The following VPS13A variants were observed in gnomAD, a reference collection of about 807,000 sequenced individuals.
VPS13A encodes vacuolar protein sorting 13 homolog A.
In VPS13A, 264 loss-of-function variants were observed where a neutral mutation model predicts 390.9. The ratio of observed to expected loss-of-function variants is 0.68; its 90% confidence interval spans 0.61 to 0.75. VPS13A has a LOEUF of 0.75. Among genes scored for constraint, VPS13A ranks in the 30% least tolerant of loss-of-function variants. The pLI, the probability that VPS13A is intolerant of heterozygous loss-of-function variation, is 0.00. For missense variants in VPS13A, 3,409 were observed against 3,733.9 expected (o/e 0.91, Z 2.27); for synonymous variants, 1,231 against 1,227.1 (o/e 1.00, Z -0.07).
intron 54 of VPS13A, among the ~76,000 whole-genome samples, chr9:77,354,210 T>A (rs1183352704): frequency 6.6e-6 from 1 of 152,122 alleles, no homozygotes; most frequent in Non-Finnish European, 1.5e-5. Flanking sequence ...ATAACCAGGA[T>A]AATGTAATTT....
At chr9:77,201,473 A>G (rs1825326503) in intron 3 of VPS13A, 66 bp downstream of exon 3, 12 of 1,249,268 alleles carry the variant, frequency 9.6e-6, no homozygotes, top group African/African-American at 1.5e-5. Flanking sequence ...TTTGCCTAAT[A>G]TATCTATTAT....
At chr9:77,386,898 G>A (rs773536576) in intron 68 of VPS13A, among the ~76,000 whole-genome samples, 6 of 151,756 alleles carry the variant, frequency 4.0e-5, no homozygotes, top group Admixed American at 1.3e-4. Context: ...TAGTAGAGAT[G>A]GGGTTTCACC....
At position 77,343,289 on chromosome 9, in the gene VPS13A, C is replaced by T. The variant is rs142309165; in HGVS notation, c.7027-864C>T. Among the ~76,000 whole-genome samples, 58 of 152,296 alleles carry T rather than the reference C, an allele frequency of 3.8e-4. 1 individual carries two copies. Among genetic ancestry groups the T allele is most frequent in the African/African-American group, 1.3e-3 (55 of 41,578 alleles). ...AGTCAGGTTATATTCCTAAGCATGT[C>T]TCATATCTAGTTCCATTAATTCCAT... On this transcript the variant is annotated intron_variant, in intron 50 of 71. Transcript: ENST00000360280.
At chr9:77,321,948 C>G (rs1829774344) in intron 44 of VPS13A, among the ~76,000 whole-genome samples, 1 of 151,622 alleles carries the variant, frequency 6.6e-6, no homozygotes, top group Non-Finnish European at 1.5e-5. Flanking sequence ...CTTTGTATTC[C>G]AAACTCTTTC....
chr9:77,353,417 G>A lies in VPS13A; in HGVS notation c.7428G>A (p.Met2476Ile). ...TGGTGGTTTTATTCTAGGATATGAT[G>A]ATGCCTATAGATTTGGGGGAAAAGA... Reference protein sequence around the residue: ...HGEVTQKDDMMMPIDLGEKTI... With the variant: ...HGEVTQKDDMIMPIDLGEKTI... Residue 2476 changes from methionine to isoleucine, a missense_variant, in exon 54 of 72, where the codon ATG (methionine) becomes ATA (isoleucine). Met to Ile is a conservative substitution (Grantham distance 10). Around this residue, in one of 5 missense-constraint regions of VPS13A, gnomAD observed 2,717 missense variants for 2,917.4 expected, o/e 0.93. Transcript: ENST00000360280. The A allele has an allele frequency of 7.4e-7, 1 of 1,351,700 alleles. No individual in the cohort carries two copies. The highest frequency in any genetic ancestry group is 1.2e-5 in the South Asian group (1 of 84,196). The allele number at this position is 1,351,700 out of a possible 1,614,324, so 83.7% of individuals were successfully genotyped here.
At chr9:77,343,874 TAA>T (rs1267461810) in intron 50 of VPS13A, among the ~76,000 whole-genome samples, 1 of 152,208 alleles carries the variant, frequency 6.6e-6, no homozygotes, top group Non-Finnish European at 1.5e-5. Context: ...CCCTTCTCTG[TAA>T]GATCATGACC....
At chr9:77,372,537 G>A (rs1477771945) in intron 67 of VPS13A, among the ~76,000 whole-genome samples, 2 of 152,006 alleles carry the variant, frequency 1.3e-5, no homozygotes, top group Admixed American at 1.3e-4. Flanking sequence ...CATACTAAAT[G>A]GGCAAAAACT....
chr9:77,284,826 C>T (rs545639448), intron 31 of VPS13A, among the ~76,000 whole-genome samples: 6 of 152,068 alleles, frequency 3.9e-5, no homozygotes, highest in Admixed American at 2.6e-4. Flanking sequence ...GCCTCAGCCT[C>T]GTGAGTGGCT....
rs752782186 is a variant in VPS13A, at chr9:77,316,385, G to A, written c.4842G>A (p.Lys1614=). 3 of 1,612,822 alleles carry A rather than the reference G, an allele frequency of 1.9e-6. No homozygotes were observed. The highest frequency in any genetic ancestry group is 2.5e-6 in the Non-Finnish European group (3 of 1,179,096). ...QVRACPFLPV[K]RKGKITTVLQ... ...GAGCCTGCCCGTTTCTTCCAGTCAA[G>A]AGAAAAGGCAAAATCACTACTGTGA... Residue 1614 remains lysine, a synonymous_variant, in exon 39 of 72, where the codon AAG becomes AAA. Coordinates refer to ENST00000360280, the MANE Select transcript of VPS13A (RefSeq NM_033305.3).
chr9:77,185,061 C>T (rs970581109), intron 1 of VPS13A, among the ~76,000 whole-genome samples: 15 of 152,174 alleles, frequency 9.9e-5, no homozygotes, highest in African/African-American at 3.6e-4. Flanking sequence ...AAGCACAGAT[C>T]ACAGCCTGCG....
intron 54 of VPS13A, 64 bp from the exon 55 acceptor site, chr9:77,356,650 A>G: frequency 1.3e-6 from 2 of 1,507,398 alleles, no homozygotes; most frequent in Non-Finnish European, 1.8e-6. Context: ...CATGTAATAA[A>G]CCAGTTAAAA....
intron 68 of VPS13A, among the ~76,000 whole-genome samples, chr9:77,401,219 C>T (rs1407386233): frequency 6.6e-6 from 1 of 152,006 alleles, no homozygotes; most frequent in Non-Finnish European, 1.5e-5. Context: ...TCATAATTTA[C>T]TGGATATTAC....
Position 77,273,265 on chromosome 9 carries a change from T to C in VPS13A, c.2428-15T>C. 6.3e-7 allele frequency: 1 copy of C among 1,592,764 alleles called. No individual in the cohort carries two copies. On this transcript the variant is annotated splice_polypyrimidine_tract_variant and intron_variant, in intron 23 of 71. Transcript: ENST00000360280. ...CATTTTTGTGCTAATCAACATTGAATTACTTTTCTTTCAGATTCAAACATC... is the reference window on the plus strand; with the variant it reads ...CATTTTTGTGCTAATCAACATTGAACTACTTTTCTTTCAGATTCAAACATC...
intron 19 of VPS13A, among the ~76,000 whole-genome samples, chr9:77,240,697 C>T (rs1333316717): frequency 1.3e-5 from 2 of 151,758 alleles, no homozygotes; most frequent in African/African-American, 2.4e-5. Flanking sequence ...AGGCTGGTCT[C>T]GAACTTCTGT....
chr9:77,353,709 A>G lies in VPS13A; in HGVS notation c.7652+68A>G. On this transcript the variant is annotated intron_variant, in intron 54 of 71. Transcript: ENST00000360280. ...CTAATTGTTAAGAAATTGTTATTGT[A>G]AAATCTCAAATGATTTAGTTTCAGT... 3.6e-6 allele frequency: 5 copies of G among 1,394,426 alleles called. No individual in the cohort carries two copies. The South Asian group carries it at 6.1e-5, about 17-fold the overall frequency. 86.4% of individuals were successfully genotyped at this position (1,394,426 alleles called of 1,614,324 possible). A position where few individuals can be genotyped will look rare whatever the true frequency, so the allele number is the denominator to read the frequency against.
rs555645027 is a variant in VPS13A, at chr9:77,193,557, C to T, written c.101-6388C>T. Among the ~76,000 whole-genome samples, 405 of 152,214 alleles carry T rather than the reference C, an allele frequency of 2.7e-3. 3 individuals are homozygous for T. Among genetic ancestry groups the T allele is most frequent in the Non-Finnish European group, 4.4e-3 (300 of 68,010 alleles). On this transcript the variant is annotated intron_variant, in intron 1 of 71. Transcript: ENST00000360280. ...GCTGAGGCAGGAGAATCACTTGAAC[C>T]CGGAAGGTGGAGGTTGCAGTGAGCC...
chr9:77,294,612 A>G (rs913322949), intron 32 of VPS13A, among the ~76,000 whole-genome samples: 2 of 152,182 alleles, frequency 1.3e-5, no homozygotes, highest in Non-Finnish European at 2.9e-5. Context: ...AGTTAATTCC[A>G]TATAATGTTG....
intron 23 of VPS13A, among the ~76,000 whole-genome samples, chr9:77,267,760 C>T (rs1453244602): frequency 6.6e-6 from 1 of 152,204 alleles, no homozygotes; most frequent in Non-Finnish European, 1.5e-5. Flanking sequence ...GCTGAAGCTG[C>T]ACCCACAGCC....
intron 39 of VPS13A, among the ~76,000 whole-genome samples, chr9:77,317,123 A>G (rs941822703): frequency 6.6e-6 from 1 of 152,030 alleles, no homozygotes; most frequent in Admixed American, 6.6e-5. Context: ...GAAATATAAG[A>G]TGTAATTTTG....
Sources: allele counts gnomAD v4.1 joint callset (sites outside exome capture counted in the v4.1 genomes callset), GRCh38; gene constraint gnomAD v4.1.1; regional missense constraint gnomAD v4.1.1; transcripts MANE v1.5; gene names NCBI Gene and HGNC (gene_info 2026-07-23, HGNC 2026-07-21).